VOPP1: variants seen among roughly 807,000 people sequenced by gnomAD.
VOPP1 encodes VOPP1 WW domain binding protein, also known as WW domain binding protein VOPP1.
Under a neutral mutation model 23.5 loss-of-function variants are expected in VOPP1, and 8 were observed. That is an observed-to-expected ratio of 0.34 (90% CI 0.20 to 0.61). VOPP1 has a LOEUF of 0.61. Among genes scored for constraint, VOPP1 ranks in the 20% least tolerant of loss-of-function variants. The pLI, the probability that VOPP1 is intolerant of heterozygous loss-of-function variation, is 0.78. For synonymous variants in VOPP1, 83 were observed against 97.3 expected, an observed-to-expected ratio of 0.85 and a Z score of 0.86; for missense variants, 174 against 238.1, an observed-to-expected ratio of 0.73 and a Z score of 1.77.
At chr7:55,521,201 G>A in intron 1 of VOPP1, 71 bp from the exon 2 acceptor site, 1 of 1,456,690 alleles carries the variant, frequency 6.9e-7, no homozygotes, top group Non-Finnish European at 9.4e-7. Context: ...CTCTCACAAA[G>A]GCAGAAAGAA....
chr7:55,539,040 A>AG (rs60010511), intron 1 of VOPP1, among the ~76,000 whole-genome samples: 5,199 of 47,716 alleles, frequency 0.11, 299 homozygotes, highest in Non-Finnish European at 0.13. Flanking sequence ...TTAAAAAAAA[A>AG]GGGGGGGGGG....
At chr7:55,502,583 T>C (rs1456930719) in intron 2 of VOPP1, among the ~76,000 whole-genome samples, 1 of 152,238 alleles carries the variant, frequency 6.6e-6, no homozygotes, top group Non-Finnish European at 1.5e-5. Flanking sequence ...TGCTGCTTTC[T>C]TCCTTTTGAA....
At chr7:55,482,030 T>C (rs1412152339) in intron 4 of VOPP1, among the ~76,000 whole-genome samples, 1 of 152,228 alleles carries the variant, frequency 6.6e-6, no homozygotes, top group African/African-American at 2.4e-5. Context: ...CACTCTGTCA[T>C]ATTTTTACAT....
At chr7:55,567,295 G>A (rs1394966953) in intron 1 of VOPP1, among the ~76,000 whole-genome samples, 2 of 152,222 alleles carry the variant, frequency 1.3e-5, no homozygotes, top group African/African-American at 4.8e-5. Flanking sequence ...TGCTTACATG[G>A]TAGAAAGTAA....
chr7:55,447,365 G>A (rs113086982), intron 4 of VOPP1, among the ~76,000 whole-genome samples: 45 of 152,126 alleles, frequency 3.0e-4, no homozygotes, highest in African/African-American at 1.0e-3. Context: ...CCAAGTTCAC[G>A]GTGCGTAAGG....
At chr7:55,572,151 C>G (rs1039265928) in intron 1 of VOPP1, 120 bp downstream of exon 1, 126 of 733,274 alleles carry the variant, frequency 1.7e-4, no homozygotes, top group Non-Finnish European at 2.6e-4. Flanking sequence ...TGTGGCTCCC[C>G]GTCGCTCCAC....
intron 4 of VOPP1, among the ~76,000 whole-genome samples, chr7:55,444,130 G>A (rs533028782): frequency 2.9e-4 from 44 of 152,210 alleles, no homozygotes; most frequent in Middle Eastern, 3.4e-3. Context: ...GTACCCGGCC[G>A]TAACTTCTTT....
intron 4 of VOPP1, among the ~76,000 whole-genome samples, chr7:55,474,259 T>C (rs56770084): frequency 0.019 from 2,921 of 152,330 alleles, 97 homozygotes; most frequent in African/African-American, 0.066. Flanking sequence ...CCCGCTGCCT[T>C]GGGTGTGTTC....
chr7:55,451,483 T>G (rs1392781210), intron 4 of VOPP1, among the ~76,000 whole-genome samples: 1 of 152,192 alleles, frequency 6.6e-6, no homozygotes, highest in Non-Finnish European at 1.5e-5. Context: ...ACAATGTACA[T>G]AGCTTCATTA....
At chr7:55,464,279 A>G in intron 4 of VOPP1, among the ~76,000 whole-genome samples, 1 of 152,112 alleles carries the variant, frequency 6.6e-6, no homozygotes, top group African/African-American at 2.4e-5. Flanking sequence ...CAGGTGGCCT[A>G]CCTGATGGTG....
downstream of VOPP1, among the ~76,000 whole-genome samples, chr7:55,468,675 G>A (rs974481137): frequency 3.9e-5 from 6 of 152,274 alleles, 1 homozygote; most frequent in Admixed American, 1.3e-4. Flanking sequence ...GGGCGGGGCC[G>A]CGTCAGCTGC....
At chr7:55,530,221 G>A (rs189187923) in intron 1 of VOPP1, among the ~76,000 whole-genome samples, 26 of 152,216 alleles carry the variant, frequency 1.7e-4, no homozygotes, top group African/African-American at 2.4e-5. Flanking sequence ...AACAATGTAA[G>A]AGGGCTCCAG....
chr7:55,492,074 G>C (rs1484563679), intron 4 of VOPP1, among the ~76,000 whole-genome samples: 3 of 152,192 alleles, frequency 2.0e-5, no homozygotes, highest in Non-Finnish European at 4.4e-5. Flanking sequence ...ACTGATAACT[G>C]TAAGAATATG....
At chr7:55,480,962 G>A (rs1238539484) in intron 4 of VOPP1, among the ~76,000 whole-genome samples, 2 of 152,226 alleles carry the variant, frequency 1.3e-5, no homozygotes, top group Non-Finnish European at 2.9e-5. Context: ...TGCTAAAGAT[G>A]AAAATAAAGC....
intron 3 of VOPP1, 103 bp downstream of exon 3, chr7:55,497,510 C>T: frequency 9.0e-7 from 1 of 1,111,016 alleles, no homozygotes; most frequent in Middle Eastern, 2.7e-4. Flanking sequence ...CTTGAGGCCA[C>T]CACCCAAGTG....
intron 2 of VOPP1, among the ~76,000 whole-genome samples, chr7:55,513,005 A>G (rs1349659207): frequency 6.6e-6 from 1 of 152,258 alleles, no homozygotes; most frequent in Non-Finnish European, 1.5e-5. Flanking sequence ...ATCCACTCAC[A>G]GCATTAATTA....
intron 1 of VOPP1, among the ~76,000 whole-genome samples, chr7:55,571,402 T>C (rs1562639647): frequency 6.6e-6 from 1 of 152,254 alleles, no homozygotes; most frequent in Non-Finnish European, 1.5e-5. Context: ...CATTACCTAT[T>C]TCTTTTGACT....
intron 1 of VOPP1, among the ~76,000 whole-genome samples, chr7:55,565,342 A>G (rs1798129517): frequency 6.6e-6 from 1 of 152,168 alleles, no homozygotes; most frequent in Admixed American, 6.5e-5. Flanking sequence ...CAGCATTTAA[A>G]ATTAAACTCT....
Position 55,471,793 on chromosome 7 carries a change from C to A in VOPP1, c.*1062G>T, listed in dbSNP as rs2129006517. On this transcript the variant is annotated 3_prime_UTR_variant, in exon 5 of 5. Transcript: ENST00000285279. ...TGTCTTTTCCCAGCAAGCTCCTCCT[C>A]CTTGGAGCCCAGCACACACCCGCTT... The A allele has an allele frequency of 6.6e-6, 1 of 151,958 alleles. No homozygotes were observed. The highest frequency in any genetic ancestry group is 1.5e-5 in the Non-Finnish European group (1 of 67,962). 9.4% of individuals were successfully genotyped at this position (151,958 alleles called of 1,614,324 possible).
Sources: allele counts gnomAD v4.1 joint callset (sites outside exome capture counted in the v4.1 genomes callset), GRCh38; gene constraint gnomAD v4.1.1; transcripts MANE v1.5; gene names NCBI Gene and HGNC (gene_info 2026-07-23, HGNC 2026-07-21).